Variants in EMC3 observed in about 807,000 individuals in gnomAD.
EMC3 encodes the protein ER membrane protein complex subunit 3.
Under a neutral mutation model 36.6 loss-of-function variants are expected in EMC3, and 13 were observed. The observed-to-expected ratio is 0.35, with a 90% confidence interval of 0.23 to 0.56. The LOEUF is 0.56. EMC3 is among the 20% of genes least tolerant of loss of function. EMC3 has a pLI of 0.84. For synonymous variants in EMC3, 120 were observed against 111.9 expected, an observed-to-expected ratio of 1.07 and a Z score of -0.46; for missense variants, 220 against 324.5, an observed-to-expected ratio of 0.68 and a Z score of 2.47.
At chr3:9,998,193 C>T (rs1305261785) in intron 1 of EMC3, among the ~76,000 whole-genome samples, 6 of 151,674 alleles carry the variant, frequency 4.0e-5, no homozygotes, top group Non-Finnish European at 7.4e-5. Flanking sequence ...GGTGAAACCC[C>T]GTCTCTACTA....
At chr3:9,997,305 C>T (rs1179939127) in intron 1 of EMC3, among the ~76,000 whole-genome samples, 4 of 151,948 alleles carry the variant, frequency 2.6e-5, no homozygotes, top group South Asian at 2.1e-4. Context: ...CTCCTGACCT[C>T]GTGATCTACC....
intron 1 of EMC3, among the ~76,000 whole-genome samples, chr3:9,998,372 T>TAATAAC (rs1188058239): frequency 1.5e-5 from 2 of 136,000 alleles, no homozygotes; most frequent in African/African-American, 3.0e-5. Context: ...TCTCAAATAA[T>TAATAAC]AATAATAATA....
chr3:9,969,592 T>A (rs1262672671), intron 7 of EMC3, 127 bp downstream of exon 7: 2 of 1,544,546 alleles, frequency 1.3e-6, no homozygotes, highest in African/African-American at 1.4e-5. Context: ...GTAAACTATG[T>A]TTTTACTAAG....
intron 7 of EMC3, among the ~76,000 whole-genome samples, chr3:9,965,650 A>G (rs1396100001): frequency 1.3e-5 from 2 of 152,176 alleles, no homozygotes; most frequent in Admixed American, 6.6e-5. Flanking sequence ...ACCACATACC[A>G]AACAGTAGAC....
At chr3:9,965,773 AT>A (rs1367932117) in intron 7 of EMC3, among the ~76,000 whole-genome samples, 2 of 152,096 alleles carry the variant, frequency 1.3e-5, no homozygotes, top group Non-Finnish European at 2.9e-5. Context: ...TTCACTTAGC[AT>A]GTTTTCAAGG....
chr3:10,005,895 CCT>C (rs891725900), intron 1 of EMC3, among the ~76,000 whole-genome samples: 58 of 152,220 alleles, frequency 3.8e-4, no homozygotes, highest in African/African-American at 1.3e-3. Flanking sequence ...GGGGTTCCCA[CCT>C]CTCCTTCCCC....
chr3:9,969,673 C>T, intron 7 of EMC3, 46 bp downstream of exon 7: 1 of 1,613,960 alleles, frequency 6.2e-7, no homozygotes, highest in South Asian at 1.1e-5. Flanking sequence ...CTCTTGGTAA[C>T]ACCTTTCAGA....
chr3:10,001,875 T>G (rs920986184), intron 1 of EMC3, among the ~76,000 whole-genome samples: 2 of 151,918 alleles, frequency 1.3e-5, no homozygotes, highest in African/African-American at 4.8e-5. Flanking sequence ...GGCGGGTGCC[T>G]GTAGTCCCGG....
At chr3:9,969,599 T>C in intron 7 of EMC3, 120 bp downstream of exon 7, 5 of 1,551,438 alleles carry the variant, frequency 3.2e-6, no homozygotes, top group Non-Finnish European at 4.3e-6. Context: ...ATGTTTTTAC[T>C]AAGTTTAAAT....
intron 1 of EMC3, chr3:10,006,276 GC>G: frequency 6.6e-6 from 1 of 152,372 alleles, no homozygotes; most frequent in African/African-American, 2.4e-5. Flanking sequence ...CCGCAGGGTT[GC>G]CAGGAGATAG....
chr3:10,000,781 C>A (rs937092256), intron 1 of EMC3: 20 of 487,610 alleles, frequency 4.1e-5, no homozygotes, highest in Admixed American at 3.9e-4. Flanking sequence ...CCAGGTGATG[C>A]CTTTGTTCTT....
chr3:9,965,363 G>C (rs988915472), intron 7 of EMC3, among the ~76,000 whole-genome samples: 4 of 152,044 alleles, frequency 2.6e-5, no homozygotes, highest in African/African-American at 9.7e-5. Context: ...CGAGGCTGCA[G>C]TGAGCAAGGA....
At chr3:10,003,069 C>CT (rs1212160900) in intron 1 of EMC3, 2 of 456,556 alleles carry the variant, frequency 4.4e-6, no homozygotes, top group Non-Finnish European at 8.8e-6. Context: ...ACCCTGTGGC[C>CT]TACCCCTATA....
intron 1 of EMC3, among the ~76,000 whole-genome samples, chr3:9,995,926 C>T (rs1265112790): frequency 1.3e-5 from 2 of 151,748 alleles, no homozygotes; most frequent in Admixed American, 6.6e-5. Context: ...AGCCATAGTT[C>T]GAGCATTTTT....
chr3:10,005,483 G>C (rs957738961), intron 1 of EMC3, among the ~76,000 whole-genome samples: 1 of 152,220 alleles, frequency 6.6e-6, no homozygotes, highest in African/African-American at 2.4e-5. Flanking sequence ...CAGGAATACA[G>C]TAGGTAGAAG....
rs2085700642 is a variant in EMC3 at position 9,962,758 on chromosome 3, A to T, written c.*1311T>A. ...TTACTGCACTCAACATGCAAATTAT[A>T]TTCACCTCTTGGTACAGAAATGGCA... On this transcript the variant is annotated 3_prime_UTR_variant, in exon 8 of 8. Transcript: ENST00000245046. 6.6e-6 allele frequency: 1 copy of T among 152,536 alleles called. No homozygotes were observed. The highest frequency in any genetic ancestry group is 2.4e-5 in the African/African-American group (1 of 41,422). 9.4% of individuals were successfully genotyped at this position (152,536 alleles called of 1,614,324 possible).
intron 5 of EMC3, among the ~76,000 whole-genome samples, chr3:9,973,206 T>C (rs1475746986): frequency 6.7e-6 from 1 of 149,548 alleles, no homozygotes; most frequent in Non-Finnish European, 1.5e-5. Context: ...GTTTGTTTGT[T>C]TGTTTTCAGA....
At chr3:9,987,468 C>T (rs2085990969), upstream of EMC3, among the ~76,000 whole-genome samples, 4 of 152,134 alleles carry the variant, frequency 2.6e-5, no homozygotes, top group South Asian at 8.3e-4. Flanking sequence ...CTTTTACCCT[C>T]ACCCCCTTCC....
intron 3 of EMC3, among the ~76,000 whole-genome samples, chr3:9,975,392 T>C (rs2085836080): frequency 6.6e-6 from 1 of 151,976 alleles, no homozygotes; most frequent in African/African-American, 2.4e-5. Context: ...TGTCAGACTG[T>C]CAGCAAGGCC....
Sources: gnomAD v4.1 joint callset for allele counts (sites outside exome capture counted in the v4.1 genomes callset) on GRCh38, gnomAD v4.1.1 for gene constraint, MANE v1.5 for transcripts, NCBI Gene and HGNC (gene_info 2026-07-23, HGNC 2026-07-21) for gene names.